LAMP2: variants seen among roughly 807,000 people sequenced by gnomAD.
The protein encoded by LAMP2 is lysosome associated membrane protein 2, also known as lysosome-associated membrane glycoprotein 2.
In LAMP2, 4 loss-of-function variants were observed where a neutral mutation model predicts 25.6. The ratio of observed to expected loss-of-function variants is 0.16; its 90% CI spans 0.08 to 0.36. The LOEUF (loss-of-function observed/expected upper bound fraction) is 0.36, where lower values mean the gene tolerates loss of function less well. Ranked by LOEUF, LAMP2 falls within the 10% of genes least tolerant of loss-of-function variation. LAMP2 has a pLI of 1.00. For missense variants in LAMP2, 272 were observed against 301.4 expected, an observed-to-expected ratio of 0.90 and a Z score of 0.72; for synonymous variants, 108 against 112.7, an observed-to-expected ratio of 0.96 and a Z score of 0.27.
At chrX:120,458,113 T>C (rs1921173861) in intron 1 of LAMP2, among the ~76,000 whole-genome samples, 1 of 111,862 alleles carries the variant, frequency 8.9e-6, no homozygotes, top group Non-Finnish European at 1.9e-5. Context: ...GGAAGGGAGC[T>C]GTTATACTTA....
At position 120,446,356 on chromosome X, in the gene LAMP2, T is replaced by C. The variant is rs876657485; in HGVS notation, c.813A>G (p.Leu271=). ...TAATGGTGCTGCTATTGAGTCTAAG[T>C]AGAGCAGTGTGAGAACGGCAGCTGC... ...STGSCRSHTA[L]LRLNSSTIKY... is the part of the protein sequence containing the mutation. Residue 271 remains leucine, a synonymous_variant, in exon 6 of 9, where the codon CTA becomes CTG. Coordinates refer to ENST00000200639, the MANE Select transcript of LAMP2 (RefSeq NM_002294.3). 5.8e-6 allele frequency: 7 copies of C among 1,200,672 alleles called. No individual in the cohort carries two copies. The highest frequency in any genetic ancestry group is 7.9e-6 in the Non-Finnish European group (7 of 887,071).
chrX:120,449,565 A>C (rs772761788), intron 3 of LAMP2, among the ~76,000 whole-genome samples: 27 of 112,005 alleles, frequency 2.4e-4, no homozygotes, highest in Admixed American at 9.5e-5. Context: ...CAGTGAGCCA[A>C]GATCGCCCAC....
chrX:120,460,143 G>A (rs756066351), intron 1 of LAMP2, among the ~76,000 whole-genome samples: 1 of 110,106 alleles, frequency 9.1e-6, no homozygotes, highest in South Asian at 3.9e-4. Context: ...CTTGGTGGTG[G>A]TCACCTATAA....
chrX:120,439,158 A>G, intron 8 of LAMP2: 1 of 1,210,832 alleles, frequency 8.3e-7, no homozygotes, highest in Non-Finnish European at 1.1e-6. Context: ...TTAGTGTTAC[A>G]GAGTCTGATA....
intron 6 of LAMP2, among the ~76,000 whole-genome samples, chrX:120,443,358 T>C (rs1338572196): frequency 3.6e-5 from 4 of 111,857 alleles, no homozygotes; most frequent in Non-Finnish European, 7.5e-5. Flanking sequence ...AGAGTATAAA[T>C]AACGGTAGTT....
intron 5 of LAMP2, 108 bp downstream of exon 5, chrX:120,447,729 CAAAA>C (rs1204692409): frequency 5.5e-6 from 4 of 730,484 alleles, no homozygotes; most frequent in African/African-American, 4.3e-5. Context: ...AACAAACAAA[CAAAA>C]AGAAAACGGA....
intron 8 of LAMP2, among the ~76,000 whole-genome samples, chrX:120,434,429 A>G (rs1000213846): frequency 8.0e-5 from 9 of 111,948 alleles, no homozygotes; most frequent in Non-Finnish European, 1.3e-4. Context: ...ATAACTATTG[A>G]TTGTATGAAT....
intron 8 of LAMP2, chrX:120,437,660 G>A (rs1448745058): frequency 1.3e-6 from 1 of 747,728 alleles, no homozygotes; most frequent in Non-Finnish European, 1.6e-6. Flanking sequence ...CACAAAGCAC[G>A]TGAATTAAAA....
At chrX:120,457,554 T>C (rs1921150753) in intron 1 of LAMP2, among the ~76,000 whole-genome samples, 1 of 112,504 alleles carries the variant, frequency 8.9e-6, no homozygotes, top group Non-Finnish European at 1.9e-5. Flanking sequence ...TTCAACCTGC[T>C]ACCTCTTTAG....
At chrX:120,461,327 T>C (rs1427730118) in intron 1 of LAMP2, among the ~76,000 whole-genome samples, 8 of 112,013 alleles carry the variant, frequency 7.1e-5, no homozygotes, top group Admixed American at 6.6e-4. Flanking sequence ...CCCATTTCAG[T>C]ATATTTTACA....
At position 120,447,921 on chromosome X, in the gene LAMP2, C is replaced by T. The variant is rs145169006; in HGVS notation, c.661G>A (p.Gly221Arg). 2,673 of 1,209,052 alleles carry T rather than the reference C, an allele frequency of 2.2e-3. No homozygotes were observed. Among genetic ancestry groups the T allele is most frequent in the Admixed American group, 2.9e-3 (133 of 45,721 alleles). Residue 221 changes from glycine (G) to arginine (R), a missense_variant, in exon 5 of 9, where the codon GGA (glycine) becomes AGA (arginine). Coordinates refer to ENST00000200639, the MANE Select transcript of LAMP2 (RefSeq NM_002294.3). ...TPTPKEKPEAGTYSVNNGNDT... is the reference protein window; with the variant it reads ...TPTPKEKPEARTYSVNNGNDT... ...TTGCCATTATTAACTGAATAGGTTC[C>T]AGCTTCTGGTTTTTCCTTTGGAGTA...
In LAMP2 at chrX:120,448,953, A is replaced by C. The variant is rs1056255642; in HGVS notation, c.556+17T>G. Reference sequence around the variant, plus strand: ...CTTAAATTAGGATCCAAGTAGAGAAATATATACTTTACTCACCATTTGTGC... The same window carrying C: ...CTTAAATTAGGATCCAAGTAGAGAACTATATACTTTACTCACCATTTGTGC... On this transcript the variant is annotated intron_variant, in intron 4 of 8. Coordinates refer to ENST00000200639, the MANE Select transcript of LAMP2 (RefSeq NM_002294.3). 4 of 1,195,780 alleles carry C rather than the reference A, an allele frequency of 3.3e-6. No individual in the cohort carries two copies. The highest frequency in any genetic ancestry group is 4.5e-6 in the Non-Finnish European group (4 of 882,015).
chrX:120,431,377 C>A lies in LAMP2; in HGVS notation c.1179G>T (p.Leu393Phe). The A allele has an allele frequency of 8.3e-7, 1 of 1,210,565 alleles. No individual in the cohort carries two copies. Among genetic ancestry groups the A allele is most frequent in the African/African-American group, 1.7e-5 (1 of 57,822 alleles). ...AALAGVLILVLLAYFIGLKHH... is the reference protein window; with the variant it reads ...AALAGVLILVFLAYFIGLKHH... Reference sequence around the variant, plus strand: ...GCTTGAGACCAATAAAATAAGCCAGCAACACTAGAATAAGTACTCCTGCCA... The same window carrying A: ...GCTTGAGACCAATAAAATAAGCCAGAAACACTAGAATAAGTACTCCTGCCA... Residue 393 changes from leucine to phenylalanine, a missense_variant, in exon 9 of 9, where the codon TTG (leucine) becomes TTT (phenylalanine). Leu to Phe is a conservative substitution (Grantham distance 22, BLOSUM62 0). Coordinates refer to ENST00000200639, the MANE Select transcript of LAMP2 (RefSeq NM_002294.3).
At chrX:120,461,088 C>A (rs774398812) in intron 1 of LAMP2, among the ~76,000 whole-genome samples, 1 of 112,513 alleles carries the variant, frequency 8.9e-6, no homozygotes, top group Non-Finnish European at 1.9e-5. Context: ...CACATGTATG[C>A]GTGTATGTTG....
chrX:120,435,369 C>A lies in LAMP2; in HGVS notation c.1094-3907G>T, dbSNP rs185995994. ...GATTATTAACGCAGAAAGTTAGCTA[C>A]CAGGGTAAAAGAAAAGGAGATGGGT... is the stretch of plus-strand genomic sequence containing the variant. On this transcript the variant is annotated intron_variant, in intron 8 of 8. Coordinates refer to ENST00000200639, the MANE Select transcript of LAMP2 (RefSeq NM_002294.3). 1.6e-4 allele frequency among the ~76,000 whole-genome samples: 18 copies of A among 111,309 alleles called. No individual in the cohort carries two copies. In the East Asian group the frequency reaches 3.9e-3, roughly 24 times the overall value.
intron 3 of LAMP2, among the ~76,000 whole-genome samples, chrX:120,452,282 C>G (rs746682454): frequency 1.6e-4 from 17 of 107,907 alleles, no homozygotes; most frequent in Non-Finnish European, 3.0e-4. Flanking sequence ...ACTTTATTTT[C>G]CTTCTGCTAC....
At chrX:120,468,347 T>C (rs2147294269) in intron 1 of LAMP2, among the ~76,000 whole-genome samples, 2 of 110,145 alleles carry the variant, frequency 1.8e-5, no homozygotes, top group African/African-American at 6.6e-5. Context: ...CCTCAATACC[T>C]CCAAGTCAGA....
rs192797011 is a variant in LAMP2, at chrX:120,451,214, T to C, written c.398-2086A>G. 2.8e-3 allele frequency among the ~76,000 whole-genome samples: 312 copies of C among 111,419 alleles called. 1 individual carries two copies. Among genetic ancestry groups the C allele is most frequent in the Middle Eastern group, 0.019 (4 of 214 alleles). On this transcript the variant is annotated intron_variant, in intron 3 of 8. Transcript: ENST00000200639. ...GATTACAGGCACGAGCCACCACACC[T>C]GGCCAGTACATTTCTATATTTTAAT... is the stretch of plus-strand genomic sequence containing the variant.
intron 6 of LAMP2, 34 bp from the exon 7 acceptor site, chrX:120,442,696 T>C: frequency 1.9e-6 from 2 of 1,047,084 alleles, no homozygotes. Flanking sequence ...TAATTAACAT[T>C]TCACAACTGT....
Sources: allele counts gnomAD v4.1 joint callset (sites outside exome capture counted in the v4.1 genomes callset), GRCh38; gene constraint gnomAD v4.1.1; transcripts MANE v1.5; gene names NCBI Gene and HGNC (gene_info 2026-07-23, HGNC 2026-07-21).